LYPLAL1: variants seen among roughly 807,000 people sequenced by gnomAD.
LYPLAL1 encodes lysophospholipase like 1.
Under a neutral mutation model 19.7 loss-of-function variants are expected in LYPLAL1, and 23 were observed. The ratio of observed to expected loss-of-function variants is 1.17; its 90% CI spans 0.84 to 1.65. The LOEUF (loss-of-function observed/expected upper bound fraction) is 1.65, where lower values mean the gene tolerates loss of function less well. LYPLAL1 is among the 40% of genes most tolerant of loss of function. The pLI, the probability that LYPLAL1 is intolerant of heterozygous loss-of-function variation, is 0.00. For missense variants in LYPLAL1, 355 were observed against 279.4 expected (o/e 1.27, Z -1.93); for synonymous variants, 119 against 96.3 (o/e 1.24, Z -1.38).
the LYPLAL1 span, among the ~76,000 whole-genome samples, chr1:219,381,086 T>C: frequency 1.3e-5 from 2 of 152,144 alleles, no homozygotes; most frequent in African/African-American, 4.8e-5. Context: ...TCATCTTGAA[T>C]TGTAGCTCCC....
chr1:219,352,297 G>A, the LYPLAL1 span, among the ~76,000 whole-genome samples: 23 of 152,286 alleles, frequency 1.5e-4, no homozygotes, highest in South Asian at 2.9e-3. Flanking sequence ...TTGGGAGGCC[G>A]AGGCGAGAGG....
At chr1:219,407,512 A>G in the LYPLAL1 span, among the ~76,000 whole-genome samples, 4 of 152,240 alleles carry the variant, frequency 2.6e-5, no homozygotes, top group African/African-American at 9.6e-5. Flanking sequence ...AGTAAACATG[A>G]AATGTAATGA....
chr1:219,343,794 T>C, the LYPLAL1 span, among the ~76,000 whole-genome samples: 2 of 152,130 alleles, frequency 1.3e-5, no homozygotes, highest in African/African-American at 4.8e-5. Flanking sequence ...TCTCACCTTC[T>C]CTTTATAGAG....
the LYPLAL1 span, among the ~76,000 whole-genome samples, chr1:219,264,196 A>T: frequency 1.3e-5 from 2 of 152,132 alleles, no homozygotes; most frequent in Admixed American, 6.5e-5. Context: ...CAAAGAGTCC[A>T]CTCTGTTCTA....
At chr1:219,243,390 G>A in the LYPLAL1 span, among the ~76,000 whole-genome samples, 67 of 152,268 alleles carry the variant, frequency 4.4e-4, no homozygotes, top group Middle Eastern at 3.4e-3. Flanking sequence ...GAAGCTTTGA[G>A]TCCTATGCTT....
intron 3 of LYPLAL1, among the ~76,000 whole-genome samples, chr1:219,198,137 C>T (rs912093474): frequency 3.3e-5 from 5 of 152,052 alleles, no homozygotes; most frequent in African/African-American, 1.2e-4. Flanking sequence ...TTTTCAAAGT[C>T]CGACAATGTG....
the LYPLAL1 span, among the ~76,000 whole-genome samples, chr1:219,326,247 A>G: frequency 1.0e-4 from 13 of 127,294 alleles, no homozygotes; most frequent in Non-Finnish European, 2.0e-4. Flanking sequence ...TCTTGATCCT[A>G]CTAACCTGAA....
chr1:219,437,876 C>A, the LYPLAL1 span, among the ~76,000 whole-genome samples: 1 of 151,920 alleles, frequency 6.6e-6, no homozygotes, highest in Non-Finnish European at 1.5e-5. Flanking sequence ...AAGTGATTAT[C>A]CTGCCTCAGT....
At chr1:219,331,610 A>C in the LYPLAL1 span, among the ~76,000 whole-genome samples, 2 of 152,210 alleles carry the variant, frequency 1.3e-5, no homozygotes, top group Non-Finnish European at 2.9e-5. Context: ...TTGCCAAAGC[A>C]AGAGTCTAAA....
chr1:219,373,867 A>C, the LYPLAL1 span, among the ~76,000 whole-genome samples: 1 of 20,962 alleles, frequency 4.8e-5, no homozygotes, highest in African/African-American at 1.2e-4. Flanking sequence ...AATTGTCAAA[A>C]AAAAAAAAAA....
chr1:219,391,855 T>C, the LYPLAL1 span, among the ~76,000 whole-genome samples: 1 of 152,228 alleles, frequency 6.6e-6, no homozygotes, highest in African/African-American at 2.4e-5. Flanking sequence ...CTGGCTTCTC[T>C]AAGACTTGCA....
chr1:219,342,114 T>C, the LYPLAL1 span, among the ~76,000 whole-genome samples: 1 of 152,140 alleles, frequency 6.6e-6, no homozygotes. Context: ...TAAATCTTGG[T>C]CATCCCTTTG....
chr1:219,243,021 A>G, the LYPLAL1 span, among the ~76,000 whole-genome samples: 1 of 152,134 alleles, frequency 6.6e-6, no homozygotes, highest in Non-Finnish European at 1.5e-5. Context: ...AATCCGAAAC[A>G]GGGGAAAGAA....
the LYPLAL1 span, among the ~76,000 whole-genome samples, chr1:219,334,997 A>C: frequency 4.8e-4 from 73 of 151,884 alleles, 1 homozygote; most frequent in Non-Finnish European, 7.7e-4. Flanking sequence ...CCATACTTGC[A>C]CTCATGGTTC....
At position 219,210,594 on chromosome 1, in the gene LYPLAL1, G is replaced by A. The variant is rs1425724867; in HGVS notation, c.424G>A (p.Ala142Thr). The change falls in exon 4 of 5, where the codon GCA (alanine) becomes ACA (threonine). Residue 142 changes from alanine to threonine, a missense_variant. Ala to Thr is a moderately conservative substitution (Grantham distance 58). Transcript: ENST00000366928. ...AGCATATAGAAATCATCAAGATGTG[G>A]CAGGAGTATTTGCTCTTTCTAGTTT... ...HLAYRNHQDV[A>T]GVFALSSFLN... The A allele has an allele frequency of 6.2e-7, 1 of 1,610,402 alleles. No homozygotes were observed. Among genetic ancestry groups the A allele is most frequent in the Non-Finnish European group, 8.5e-7 (1 of 1,177,886 alleles).
chr1:219,315,981 GA>G, the LYPLAL1 span, among the ~76,000 whole-genome samples: 3 of 152,068 alleles, frequency 2.0e-5, no homozygotes, highest in African/African-American at 7.2e-5. Context: ...CCCATGGCAA[GA>G]AAAAATTTGG....
the LYPLAL1 span, among the ~76,000 whole-genome samples, chr1:219,441,080 G>A: frequency 2.6e-5 from 4 of 152,074 alleles, no homozygotes; most frequent in Non-Finnish European, 4.4e-5. Flanking sequence ...AAATTCTTAC[G>A]GGGGAAATTC....
the LYPLAL1 span, among the ~76,000 whole-genome samples, chr1:219,290,568 ATGT>A: frequency 5.1e-4 from 77 of 152,246 alleles, 1 homozygote; most frequent in Non-Finnish European, 1.0e-3. Context: ...TCCCTATGAT[ATGT>A]TGTTGTTGTT....
chr1:219,248,345 T>G, the LYPLAL1 span, among the ~76,000 whole-genome samples: 1 of 152,202 alleles, frequency 6.6e-6, no homozygotes. Context: ...CACCTGGCTC[T>G]TTGTGAGATG....
Sources: gnomAD v4.1 joint callset for allele counts (sites outside exome capture counted in the v4.1 genomes callset) on GRCh38, gnomAD v4.1.1 for gene constraint, MANE v1.5 for transcripts, NCBI Gene and HGNC (gene_info 2026-07-23, HGNC 2026-07-21) for gene names.